CCDC175: variants seen among roughly 807,000 people sequenced by gnomAD.
CCDC175 encodes the protein coiled-coil domain containing 175.
In CCDC175, 100 loss-of-function variants were observed where a neutral mutation model predicts 114.6. The observed-to-expected ratio is 0.87, with a 90% confidence interval of 0.74 to 1.03. The LOEUF (loss-of-function observed/expected upper bound fraction) is 1.03. Ranked by LOEUF, CCDC175 falls within the 50% of genes least tolerant of loss-of-function variation. The probability of loss-of-function intolerance (pLI) is 0.00; values close to 1 mark genes in which losing one functional copy is unlikely to be tolerated. For synonymous variants in CCDC175, 306 were observed against 308.7 expected (o/e 0.99, Z 0.09); for missense variants, 880 against 917.8 (o/e 0.96, Z 0.53).
At chr14:59,536,905 C>T (rs1014478473) in intron 13 of CCDC175, among the ~76,000 whole-genome samples, 12 of 152,024 alleles carry the variant, frequency 7.9e-5, no homozygotes, top group Non-Finnish European at 1.5e-4. Flanking sequence ...CTCAGCCTCC[C>T]GAGTAGCTGG....
intron 17 of CCDC175, among the ~76,000 whole-genome samples, chr14:59,516,202 A>T (rs143952843): frequency 1.0e-3 from 153 of 152,374 alleles, no homozygotes; most frequent in African/African-American, 3.6e-3. Context: ...CTAAATGCCC[A>T]CAAGAGAAAG....
chr14:59,561,047 A>G, intron 7 of CCDC175, 72 bp downstream of exon 7: 1 of 666,346 alleles, frequency 1.5e-6, no homozygotes, highest in Non-Finnish European at 2.4e-6. Flanking sequence ...ATGAAAACAT[A>G]GCATATTAAC....
chr14:59,573,524 T>G (rs1179148345), intron 2 of CCDC175, among the ~76,000 whole-genome samples: 6 of 152,158 alleles, frequency 3.9e-5, no homozygotes, highest in African/African-American at 1.4e-4. Flanking sequence ...TATTTTAATG[T>G]GGTCCTTTTG....
chr14:59,513,264 G>A (rs947476231), intron 17 of CCDC175, among the ~76,000 whole-genome samples: 1 of 152,160 alleles, frequency 6.6e-6, no homozygotes, highest in Non-Finnish European at 1.5e-5. Context: ...GGTGATTTCT[G>A]CATTTCCAAC....
intron 16 of CCDC175, among the ~76,000 whole-genome samples, chr14:59,522,129 TG>T (rs1167045996): frequency 6.6e-6 from 1 of 152,198 alleles, no homozygotes; most frequent in East Asian, 1.9e-4. Flanking sequence ...TTCACTGGGT[TG>T]GGTGCCAGTG....
At chr14:59,551,298 A>G (rs1895460902) in intron 8 of CCDC175, 57 bp downstream of exon 8, 2 of 796,310 alleles carry the variant, frequency 2.5e-6, no homozygotes, top group Non-Finnish European at 3.7e-6. Context: ...TATTTTAAAC[A>G]TTAACTAAAA....
At chr14:59,545,055 T>C in intron 9 of CCDC175, 108 bp downstream of exon 9, 3 of 1,125,646 alleles carry the variant, frequency 2.7e-6, no homozygotes, top group African/African-American at 3.2e-5. Flanking sequence ...TTTTTGTCAA[T>C]AGATTTTAAA....
intron 5 of CCDC175, among the ~76,000 whole-genome samples, 171 bp downstream of exon 5, chr14:59,564,876 C>A (rs946902750): frequency 6.6e-6 from 1 of 152,164 alleles, no homozygotes; most frequent in Admixed American, 6.5e-5. Context: ...AAATGTCTTC[C>A]CCAAGAGCAG....
chr14:59,511,680 G>C (rs1382959810), intron 18 of CCDC175, 80 bp downstream of exon 18: 1 of 1,177,688 alleles, frequency 8.5e-7, no homozygotes, highest in African/African-American at 1.5e-5. Context: ...AGACACAAAA[G>C]CACACACACT....
intron 14 of CCDC175, among the ~76,000 whole-genome samples, chr14:59,531,108 G>A (rs926449295): frequency 7.7e-6 from 1 of 129,820 alleles, no homozygotes; most frequent in Non-Finnish European, 1.7e-5. Context: ...GACCCTGTGT[G>A]TTTTTGGTTT....
At chr14:59,564,665 C>A (rs1306603758) in intron 5 of CCDC175, among the ~76,000 whole-genome samples, 3 of 152,044 alleles carry the variant, frequency 2.0e-5, no homozygotes, top group African/African-American at 4.8e-5. Flanking sequence ...TTATCAGGAA[C>A]AGCAGGGCTG....
chr14:59,520,080 C>G (rs76285026), intron 17 of CCDC175, among the ~76,000 whole-genome samples: 1 of 152,164 alleles, frequency 6.6e-6, no homozygotes, highest in Non-Finnish European at 1.5e-5. Context: ...TTGTCTTCAA[C>G]GAGCTCTGAT....
At chr14:59,533,987 T>TTAA (rs1491214197) in intron 13 of CCDC175, among the ~76,000 whole-genome samples, 1 of 133,606 alleles carries the variant, frequency 7.5e-6, no homozygotes, top group African/African-American at 2.8e-5. Flanking sequence ...AGACCCCTTT[T>TTAA]AAAAAAAAAA....
intron 11 of CCDC175, among the ~76,000 whole-genome samples, chr14:59,540,343 C>G (rs192580633): frequency 6.6e-6 from 1 of 152,130 alleles, no homozygotes; most frequent in African/African-American, 2.4e-5. Flanking sequence ...GTAGCCTTCA[C>G]GCCACCTTCC....
At chr14:59,534,025 A>T (rs946451727) in intron 13 of CCDC175, among the ~76,000 whole-genome samples, 4 of 151,034 alleles carry the variant, frequency 2.6e-5, no homozygotes, top group African/African-American at 9.7e-5. Context: ...ATCCTGTATT[A>T]TCCATACTAG....
chr14:59,516,814 T>C (rs1406883012), intron 17 of CCDC175, among the ~76,000 whole-genome samples: 1 of 152,192 alleles, frequency 6.6e-6, no homozygotes, highest in Non-Finnish European at 1.5e-5. Context: ...CCCTAACTCA[T>C]TTTATGAGGC....
chr14:59,532,915 T>C (rs2140010407), intron 13 of CCDC175, among the ~76,000 whole-genome samples: 1 of 152,342 alleles, frequency 6.6e-6, no homozygotes. Context: ...AGGCTACACT[T>C]GTCCCAGTTT....
rs1319707480 is a variant in CCDC175 at position 59,566,917 on chromosome 14, C to T, written c.491+1328G>A. Reference sequence around the variant, plus strand: ...AGATTTGTCTAGAGCAGTGGTTCTCCCAATGTGGTCAGGACCAGCAGCAGC... The same window carrying T: ...AGATTTGTCTAGAGCAGTGGTTCTCTCAATGTGGTCAGGACCAGCAGCAGC... On this transcript the variant is annotated intron_variant, in intron 4 of 19. Coordinates refer to ENST00000537690, the MANE Select transcript of CCDC175 (RefSeq NM_001164399.2). 2.6e-5 allele frequency among the ~76,000 whole-genome samples: 4 copies of T among 152,168 alleles called. No individual in the cohort carries two copies. The East Asian group carries it at 7.7e-4, about 29-fold the overall frequency.
In CCDC175 at chr14:59,521,606, C is replaced by T. The variant is rs12887189; in HGVS notation, c.2066G>A (p.Ser689Asn). ...EGQEALMHTS[S>N]DLSRQLIAQE... ...AGCTATTAGTTGCCGAGACAAGTCG[C>T]TTGAGGTGTGCATGAGGGCTTCTTG... Residue 689 changes from serine to asparagine, a missense_variant, in exon 17 of 20, where the codon AGC becomes AAC. Coordinates refer to ENST00000537690, the MANE Select transcript of CCDC175 (RefSeq NM_001164399.2). The T allele has an allele frequency of 0.25, 385,173 of 1,529,948 alleles. 50,880 individuals are homozygous for T. The highest frequency in any genetic ancestry group is 0.41 in the South Asian group (34,369 of 83,776). The allele number at this position is 1,529,948 out of a possible 1,614,324, so 94.8% of individuals were successfully genotyped here.
Sources: gnomAD v4.1 joint callset for allele counts (sites outside exome capture counted in the v4.1 genomes callset) on GRCh38, gnomAD v4.1.1 for gene constraint, MANE v1.5 for transcripts, NCBI Gene and HGNC (gene_info 2026-07-23, HGNC 2026-07-21) for gene names.